The following GMDS variants were observed in gnomAD, a reference collection of about 807,000 sequenced individuals.
GMDS encodes GDP-mannose 4,6-dehydratase.
In GMDS, 20 loss-of-function variants were observed where a neutral mutation model predicts 49.9. The ratio of observed to expected loss-of-function variants is 0.40; its 90% CI spans 0.28 to 0.58. The LOEUF (loss-of-function observed/expected upper bound fraction) is 0.58, where lower values mean the gene tolerates loss of function less well. GMDS is among the 20% of genes least tolerant of loss of function. The probability of loss-of-function intolerance (pLI) is 0.42; values close to 1 mark genes in which losing one functional copy is unlikely to be tolerated. For missense variants in GMDS, 362 were observed against 481.4 expected, an observed-to-expected ratio of 0.75 and a Z score of 2.32; for synonymous variants, 177 against 178.6, an observed-to-expected ratio of 0.99 and a Z score of 0.07.
intron 9 of GMDS, among the ~76,000 whole-genome samples, chr6:1,658,060 T>G (rs1409780284): frequency 6.6e-6 from 1 of 152,184 alleles, no homozygotes; most frequent in African/African-American, 2.4e-5. Context: ...GGTGTGTGTT[T>G]GCAAATAGAT....
intron 7 of GMDS, among the ~76,000 whole-genome samples, chr6:1,809,941 C>T (rs996861831): frequency 6.6e-6 from 1 of 152,142 alleles, no homozygotes; most frequent in African/African-American, 2.4e-5. Flanking sequence ...AGGGTAGACA[C>T]TGGTATCAAG....
chr6:1,917,636 C>T (rs1023018919), intron 7 of GMDS, among the ~76,000 whole-genome samples: 1 of 152,246 alleles, frequency 6.6e-6, no homozygotes, highest in African/African-American at 2.4e-5. Flanking sequence ...AGAAAAAGCA[C>T]ATGAAACTAT....
At chr6:2,152,052 C>G (rs1171742630) in intron 1 of GMDS, among the ~76,000 whole-genome samples, 2 of 152,146 alleles carry the variant, frequency 1.3e-5, no homozygotes, top group Admixed American at 1.3e-4. Flanking sequence ...AGGCCACACA[C>G]AAGTCGACAG....
At chr6:1,631,053 G>T (rs983837834) in intron 9 of GMDS, among the ~76,000 whole-genome samples, 3 of 152,186 alleles carry the variant, frequency 2.0e-5, no homozygotes, top group African/African-American at 7.2e-5. Context: ...CTGGAAGGAG[G>T]TGGCAAAACC....
At chr6:1,703,931 G>T (rs1765629305) in intron 9 of GMDS, among the ~76,000 whole-genome samples, 1 of 152,138 alleles carries the variant, frequency 6.6e-6, no homozygotes, top group Non-Finnish European at 1.5e-5. Context: ...TTAGCTTCTT[G>T]TAAAAATGAA....
At chr6:2,097,956 A>T (rs982877137) in intron 4 of GMDS, among the ~76,000 whole-genome samples, 1 of 152,140 alleles carries the variant, frequency 6.6e-6, no homozygotes, top group Non-Finnish European at 1.5e-5. Context: ...TCAAACTACC[A>T]AAGCATGTGA....
intron 1 of GMDS, among the ~76,000 whole-genome samples, chr6:2,200,775 T>C (rs941117229): frequency 6.2e-5 from 9 of 145,552 alleles, no homozygotes; most frequent in African/African-American, 2.3e-4. Flanking sequence ...GGGCAGCATG[T>C]TAGCAGAGAG....
chr6:1,674,076 C>T (rs1157159389), intron 9 of GMDS, among the ~76,000 whole-genome samples: 2 of 151,830 alleles, frequency 1.3e-5, no homozygotes, highest in Non-Finnish European at 2.9e-5. Context: ...CGTAGTGAAA[C>T]CATCGTGCTA....
chr6:1,752,549 C>G lies in GMDS; in HGVS notation c.772-9963G>C, dbSNP rs141226845. Among the ~76,000 whole-genome samples, 744 of 152,264 alleles carry G rather than the reference C, an allele frequency of 4.9e-3. 6 individuals carry two copies. The highest frequency in any genetic ancestry group is 0.017 in the African/African-American group (690 of 41,546). On this transcript the variant is annotated intron_variant, in intron 7 of 10. Transcript: ENST00000380815. ...AAATAAAGAGAACACCACAAAGATA[C>G]TCCTCAAGAAGAGCAATCCCAAGAT...
At chr6:1,820,331 T>G (rs756947771) in intron 7 of GMDS, among the ~76,000 whole-genome samples, 1 of 152,182 alleles carries the variant, frequency 6.6e-6, no homozygotes, top group Non-Finnish European at 1.5e-5. Context: ...CAAAGTCCAA[T>G]GAGAATTTTC....
At chr6:2,096,199 G>A (rs1342095826) in intron 4 of GMDS, among the ~76,000 whole-genome samples, 2 of 152,074 alleles carry the variant, frequency 1.3e-5, no homozygotes, top group African/African-American at 4.8e-5. Context: ...GAGTAAAAGG[G>A]TAGATCTTAA....
intron 7 of GMDS, among the ~76,000 whole-genome samples, chr6:1,918,810 T>C (rs558296038): frequency 6.6e-6 from 1 of 152,270 alleles, no homozygotes; most frequent in Admixed American, 6.5e-5. Flanking sequence ...AATAGTAGAA[T>C]CTAGAGATAA....
chr6:2,057,607 G>T (rs1009520129), intron 4 of GMDS, among the ~76,000 whole-genome samples: 1 of 152,068 alleles, frequency 6.6e-6, no homozygotes, highest in Non-Finnish European at 1.5e-5. Context: ...AAATTAAACT[G>T]CATCTCTTCC....
intron 9 of GMDS, among the ~76,000 whole-genome samples, chr6:1,664,016 T>C (rs530050089): frequency 1.3e-5 from 2 of 152,320 alleles, no homozygotes; most frequent in East Asian, 3.9e-4. Context: ...TAAGAATTTG[T>C]TGGATAAGTG....
intron 4 of GMDS, among the ~76,000 whole-genome samples, chr6:2,071,047 C>T (rs1771959749): frequency 6.6e-6 from 1 of 152,090 alleles, no homozygotes; most frequent in Admixed American, 6.6e-5. Flanking sequence ...AGATTCCCAC[C>T]AAGCAGAGGG....
chr6:1,843,715 C>T (rs751479714), intron 7 of GMDS, among the ~76,000 whole-genome samples: 2 of 152,190 alleles, frequency 1.3e-5, no homozygotes, highest in Non-Finnish European at 2.9e-5. Flanking sequence ...TTGCGCTGAG[C>T]AGAGATCGTG....
chr6:1,726,377 C>CT (rs747345611), intron 9 of GMDS, 39 bp downstream of exon 9: 1 of 1,395,074 alleles, frequency 7.2e-7, no homozygotes, highest in Admixed American at 1.7e-5. Flanking sequence ...GCCAGCCAGC[C>CT]AAATGTGGCC....
chr6:1,655,102 A>C (rs7752052), intron 9 of GMDS, among the ~76,000 whole-genome samples: 66,436 of 150,604 alleles, frequency 0.44, 14,930 homozygotes, highest in Middle Eastern at 0.5. Flanking sequence ...TAACTTGAAA[A>C]ATAAAATAAC....
chr6:2,134,845 A>G (rs1775914637), intron 1 of GMDS, among the ~76,000 whole-genome samples: 1 of 152,224 alleles, frequency 6.6e-6, no homozygotes, highest in Admixed American at 6.5e-5. Context: ...CTTACACTAT[A>G]CAGCAAAGTA....
Sources: allele counts gnomAD v4.1 joint callset (sites outside exome capture counted in the v4.1 genomes callset), GRCh38; gene constraint gnomAD v4.1.1; transcripts MANE v1.5; gene names NCBI Gene and HGNC (gene_info 2026-07-23, HGNC 2026-07-21).